Variants in STOX1 observed in about 807,000 individuals in gnomAD.
STOX1 encodes storkhead-box protein 1.
In STOX1, 57 loss-of-function variants were observed where a neutral mutation model predicts 74.8. That is an observed-to-expected ratio of 0.76 (90% CI 0.62 to 0.95). STOX1 has a LOEUF of 0.95. STOX1 is among the 40% of genes least tolerant of loss of function. STOX1 has a pLI of 0.00. For synonymous variants in STOX1, 375 were observed against 401.3 expected (o/e 0.93, Z 0.78); for missense variants, 1,010 against 1,117.0 (o/e 0.90, Z 1.37).
At chr10:68,890,368 G>A (rs1240271462) in intron 3 of STOX1, among the ~76,000 whole-genome samples, 2 of 151,844 alleles carry the variant, frequency 1.3e-5, no homozygotes, top group Non-Finnish European at 2.9e-5. Context: ...TCACTATGTT[G>A]TCCAGGCTGG....
chr10:68,833,077 T>TG (rs1290893534), intron 1 of STOX1, among the ~76,000 whole-genome samples: 3 of 140,448 alleles, frequency 2.1e-5, no homozygotes, highest in African/African-American at 8.1e-5. Flanking sequence ...GCCACTTCTG[T>TG]GGGTTTTTTT....
intron 1 of STOX1, chr10:68,828,979 G>A: frequency 3.0e-6 from 3 of 985,364 alleles, no homozygotes; most frequent in Non-Finnish European, 3.6e-6. Flanking sequence ...CTGACTCTGG[G>A]CACTAAACCC....
At chr10:68,838,134 A>C (rs954402466) in intron 1 of STOX1, among the ~76,000 whole-genome samples, 1 of 149,314 alleles carries the variant, frequency 6.7e-6, no homozygotes, top group East Asian at 2.0e-4. Context: ...TGGTGTGATC[A>C]TGGCTCCCTG....
rs748648803 is a variant in STOX1 at position 68,885,421 on chromosome 10, T to A, written c.1625T>A (p.Ile542Asn). 6.2e-7 allele frequency: 1 copy of A among 1,614,110 alleles called. No homozygotes were observed. Among genetic ancestry groups the A allele is most frequent in the South Asian group, 1.1e-5 (1 of 91,088 alleles). ...QKPRSLDSSRIFDGKAKEPYA... is the reference protein window; with the variant it reads ...QKPRSLDSSRNFDGKAKEPYA... ...CCTAGGTCCTTGGATTCCTCAAGAA[T>A]CTTTGATGGTAAAGCCAAAGAGCCA... Residue 542 changes from isoleucine (I) to asparagine (N), a missense_variant, in exon 3 of 4, where the codon ATC (isoleucine) becomes AAC (asparagine). Physicochemically the swap from Ile to Asn is moderately radical, Grantham distance 149 (BLOSUM62 -3). Coordinates refer to ENST00000298596, the MANE Select transcript of STOX1 (RefSeq NM_152709.5).
Position 68,886,264 on chromosome 10 carries a change from G to T in STOX1, c.2468G>T (p.Gly823Val). Residue 823 changes from glycine to valine, a missense_variant, in exon 3 of 4, where the codon GGC (glycine) becomes GTC (valine). Gly to Val is a moderately radical substitution (Grantham distance 109). Coordinates refer to ENST00000298596, the MANE Select transcript of STOX1 (RefSeq NM_152709.5). ...QEPNLSAESC[G>V]LNSGAQFGFN... The stretch of plus-strand genomic sequence containing the variant: ...CCTAACCTCTCTGCTGAAAGTTGTG[G>T]CCTAAATTCAGGGGCCCAGTTTGGT... The T allele has an allele frequency of 6.2e-7, 1 of 1,614,180 alleles. No homozygotes were observed. Among genetic ancestry groups the T allele is most frequent in the Non-Finnish European group, 8.5e-7 (1 of 1,180,036 alleles).
intron 1 of STOX1, among the ~76,000 whole-genome samples, chr10:68,831,022 C>T (rs1839393076): frequency 6.6e-6 from 1 of 152,136 alleles, no homozygotes; most frequent in Non-Finnish European, 1.5e-5. Context: ...TGTCGGCTTG[C>T]TCTCTTGCCT....
At chr10:68,870,381 G>T (rs1840509038) in intron 1 of STOX1, among the ~76,000 whole-genome samples, 1 of 152,150 alleles carries the variant, frequency 6.6e-6, no homozygotes, top group Admixed American at 6.5e-5. Flanking sequence ...GGACATATAG[G>T]TACTACAGCA....
chr10:68,862,943 T>C (rs1840295220), intron 1 of STOX1, among the ~76,000 whole-genome samples: 1 of 152,108 alleles, frequency 6.6e-6, no homozygotes, highest in Admixed American at 6.5e-5. Context: ...AGATTCATTA[T>C]GGTAAGTGTG....
intron 1 of STOX1, among the ~76,000 whole-genome samples, chr10:68,840,644 T>A (rs560545517): frequency 4.8e-4 from 73 of 152,238 alleles, no homozygotes; most frequent in South Asian, 2.5e-3. Flanking sequence ...CACTGCAACC[T>A]CCACCATCCT....
intron 1 of STOX1, among the ~76,000 whole-genome samples, chr10:68,858,697 G>A (rs1335560355): frequency 1.3e-5 from 2 of 151,986 alleles, no homozygotes; most frequent in Admixed American, 6.6e-5. Context: ...GAGAGAGGGT[G>A]GGCAATGGGG....
At position 68,884,470 on chromosome 10, in the gene STOX1, A is replaced by G. The variant is rs1352290947; in HGVS notation, c.674A>G (p.Glu225Gly). 6.2e-7 allele frequency: 1 copy of G among 1,613,888 alleles called. No individual in the cohort carries two copies. The stretch of plus-strand genomic sequence containing the variant: ...TCCATGACATATCTGGTGAGCATGG[A>G]GAGCTGTGCAGAGTCAGCCCAAGAG... The part of the protein sequence containing the change: ...PASMTYLVSM[E>G]SCAESAQENA... The change falls in exon 3 of 4, where the codon GAG becomes GGG. Residue 225 changes from glutamate (E) to glycine (G), a missense_variant. Coordinates refer to ENST00000298596, the MANE Select transcript of STOX1 (RefSeq NM_152709.5).
Position 68,827,585 on chromosome 10 carries a change from G to A in STOX1, c.-39G>A. 2 of 1,120,390 alleles carry A rather than the reference G, an allele frequency of 1.8e-6. No individual in the cohort carries two copies. The highest frequency in any genetic ancestry group is 2.2e-6 in the Non-Finnish European group (2 of 916,200). 69.4% of individuals were successfully genotyped at this position (1,120,390 alleles called of 1,614,324 possible). On this transcript the variant is annotated 5_prime_UTR_variant, in exon 1 of 4. Coordinates refer to ENST00000298596, the MANE Select transcript of STOX1 (RefSeq NM_152709.5). ...CGGCGTCGTAGCCGCCGCGCTCGCC[G>A]AGGCCCTGCGTTGCGGGCTCCCGGC...
chr10:68,884,893 A>G lies in STOX1; in HGVS notation c.1097A>G (p.Asn366Ser). Residue 366 changes from asparagine to serine, a missense_variant, in exon 3 of 4, where the codon AAC becomes AGC. Transcript: ENST00000298596. The part of the protein sequence containing the change: ...DVEHEIIKRI[N>S]PILTVDNLIK... The stretch of plus-strand genomic sequence containing the variant: ...GAACATGAGATAATCAAACGAATTA[A>G]CCCCATTTTGACTGTTGACAATTTA... 6.2e-7 allele frequency: 1 copy of G among 1,614,012 alleles called. No individual in the cohort carries two copies. Among genetic ancestry groups the G allele is most frequent in the Non-Finnish European group, 8.5e-7 (1 of 1,179,956 alleles).
At chr10:68,861,733 T>C (rs1416117347) in intron 1 of STOX1, among the ~76,000 whole-genome samples, 1 of 152,114 alleles carries the variant, frequency 6.6e-6, no homozygotes, top group Non-Finnish European at 1.5e-5. Flanking sequence ...TTTGGAAGGA[T>C]TTATGGCTGC....
At chr10:68,871,188 CG>C (rs541589521) in intron 1 of STOX1, among the ~76,000 whole-genome samples, 13 of 152,270 alleles carry the variant, frequency 8.5e-5, no homozygotes, top group African/African-American at 2.6e-4. Flanking sequence ...TGGTTTGAGT[CG>C]GTCATTCCTG....
At position 68,890,611 on chromosome 10, in the gene STOX1, C is replaced by T. The variant is rs1023882783; in HGVS notation, c.2823-1978C>T. On this transcript the variant is annotated intron_variant, in intron 3 of 3. Transcript: ENST00000298596. ...TTCCTAGAAATCTACATTTTAAAAA[C>T]GTATCATTACTTCTTTATTGGGGGT... Among the ~76,000 whole-genome samples, 6 of 150,426 alleles carry T rather than the reference C, an allele frequency of 4.0e-5. No homozygotes were observed. In the South Asian group the frequency reaches 6.3e-4, roughly 16 times the overall value.
chr10:68,844,695 C>G (rs1330129377), intron 1 of STOX1, among the ~76,000 whole-genome samples: 2 of 152,168 alleles, frequency 1.3e-5, no homozygotes, highest in Non-Finnish European at 2.9e-5. Flanking sequence ...ATTTTAGATA[C>G]AAGTCCTTTG....
chr10:68,886,701 G>C (rs1840972349), intron 3 of STOX1, 83 bp downstream of exon 3: 3 of 1,272,476 alleles, frequency 2.4e-6, no homozygotes, highest in Middle Eastern at 2.0e-4. Context: ...GGCCGAGGCG[G>C]GCAGATCACG....
chr10:68,828,599 C>T (rs1223954354), intron 1 of STOX1, among the ~76,000 whole-genome samples: 2 of 152,186 alleles, frequency 1.3e-5, no homozygotes, highest in Non-Finnish European at 2.9e-5. Flanking sequence ...GATAGAGAGG[C>T]TTTGGGCTAG....
Sources: gnomAD v4.1 joint callset for allele counts (sites outside exome capture counted in the v4.1 genomes callset) on GRCh38, gnomAD v4.1.1 for gene constraint, MANE v1.5 for transcripts, NCBI Gene and HGNC (gene_info 2026-07-23, HGNC 2026-07-21) for gene names.